Variants in LAPTM4B observed in about 807,000 individuals in gnomAD.
LAPTM4B encodes the protein lysosomal-associated transmembrane protein 4B.
In LAPTM4B, 26 loss-of-function variants were observed where a neutral mutation model predicts 28.5. The ratio of observed to expected loss-of-function variants is 0.91; its 90% CI spans 0.67 to 1.27. The LOEUF is 1.27. Ranked by LOEUF, LAPTM4B falls within the 50% of genes most tolerant of loss-of-function variation. The pLI is 0.00. For missense variants in LAPTM4B, 288 were observed against 285.8 expected, an observed-to-expected ratio of 1.01 and a Z score of -0.06; for synonymous variants, 109 against 106.4, an observed-to-expected ratio of 1.02 and a Z score of -0.15.
In LAPTM4B at chr8:97,805,341, T is replaced by C; in HGVS notation, c.100-12T>C. ...CTTAAATTCTTTTTTTTTTTTTTTT[T>C]TCTTGTTGCAGATCATCAATGCTGT... On this transcript the variant is annotated splice_polypyrimidine_tract_variant and intron_variant, in intron 1 of 6. Transcript: ENST00000521545. The C allele has an allele frequency of 7.4e-7, 1 of 1,348,536 alleles. No individual in the cohort carries two copies. The highest frequency in any genetic ancestry group is 1.3e-5 in the South Asian group (1 of 79,522). 83.5% of individuals were successfully genotyped at this position (1,348,536 alleles called of 1,614,324 possible). A position where few individuals can be genotyped will look rare whatever the true frequency, so the allele number is the denominator to read the frequency against.
chr8:97,788,838 G>A (rs1816450543), intron 1 of LAPTM4B, among the ~76,000 whole-genome samples: 1 of 151,468 alleles, frequency 6.6e-6, no homozygotes, highest in Non-Finnish European at 1.5e-5. Flanking sequence ...GAGACTACGG[G>A]TGTCTGTCAC....
intron 5 of LAPTM4B, among the ~76,000 whole-genome samples, chr8:97,822,542 T>TTATG (rs1817022395): frequency 6.7e-6 from 1 of 148,434 alleles, no homozygotes; most frequent in Admixed American, 6.7e-5. Flanking sequence ...ATTTATTTAT[T>TTATG]TATTTATTTA....
intron 2 of LAPTM4B, among the ~76,000 whole-genome samples, chr8:97,811,122 A>G (rs1440400256): frequency 6.6e-6 from 1 of 152,208 alleles, no homozygotes; most frequent in African/African-American, 2.4e-5. Context: ...ACCTATTGGT[A>G]TCGATGCCAA....
intron 1 of LAPTM4B, among the ~76,000 whole-genome samples, chr8:97,780,379 C>T (rs1316318301): frequency 3.3e-5 from 5 of 152,026 alleles, no homozygotes; most frequent in African/African-American, 9.7e-5. Context: ...GAGCTGAGAT[C>T]GTGCGATTGC....
intron 6 of LAPTM4B, among the ~76,000 whole-genome samples, chr8:97,827,472 C>G (rs528706851): frequency 6.6e-6 from 1 of 152,300 alleles, no homozygotes; most frequent in Admixed American, 6.5e-5. Context: ...ATCTGTATCC[C>G]TTGTATCCTT....
intron 6 of LAPTM4B, among the ~76,000 whole-genome samples, chr8:97,829,696 C>CTTTT (rs926939613): frequency 6.1e-4 from 90 of 147,352 alleles, no homozygotes; most frequent in African/African-American, 1.9e-3. Context: ...TTTCTTTCTT[C>CTTTT]TTTTTTTTTT....
At position 97,775,986 on chromosome 8, in the gene LAPTM4B, G is replaced by A. The variant is rs758791559; in HGVS notation, c.-24G>A. The A allele has an allele frequency of 3.8e-6, 6 of 1,561,244 alleles. No individual in the cohort carries two copies. In the Admixed American group the frequency reaches 5.6e-5, roughly 15 times the overall value. ...GACGCTCCTGAAAACTTGCGCGCGC[G>A]CTCGCGCCACTGCGCCCGGAGCGAT... On this transcript the variant is annotated 5_prime_UTR_variant, in exon 1 of 7. Transcript: ENST00000521545.
intron 2 of LAPTM4B, among the ~76,000 whole-genome samples, chr8:97,812,217 G>GTTTTTTTTTTTTTTTTT (rs71271157): frequency 1.1e-5 from 1 of 93,314 alleles, no homozygotes. Flanking sequence ...TTTTTTTTTT[G>GTTTTTTTTTTTTTTTTT]TTGTTTTTTG....
intron 6 of LAPTM4B, among the ~76,000 whole-genome samples, chr8:97,845,398 A>G (rs902255152): frequency 6.6e-5 from 10 of 151,842 alleles, no homozygotes; most frequent in African/African-American, 2.2e-4. Flanking sequence ...GTGGCTATCA[A>G]ACCTGTCAGT....
At position 97,775,819 on chromosome 8, in the gene LAPTM4B, C is replaced by A; in HGVS notation, c.-191C>A. ...GCCGCTGCAGCGGTCGCCTTCGGAG[C>A]GAAGGGTACCGACCCGGCAGAAGCT... On this transcript the variant is annotated 5_prime_UTR_variant, in exon 1 of 7. Coordinates refer to ENST00000521545, the MANE Select transcript of LAPTM4B (RefSeq NM_018407.6). 2 of 1,560,124 alleles carry A rather than the reference C, an allele frequency of 1.3e-6. No homozygotes were observed. Among genetic ancestry groups the A allele is most frequent in the Non-Finnish European group, 1.7e-6 (2 of 1,159,522 alleles).
Position 97,776,076 on chromosome 8 carries a change from A to C in LAPTM4B, c.67A>C (p.Thr23Pro). 6.3e-7 allele frequency: 1 copy of C among 1,588,634 alleles called. No homozygotes were observed. Among genetic ancestry groups the C allele is most frequent in the Non-Finnish European group, 8.5e-7 (1 of 1,172,350 alleles). ...NSCCLCCHVR[T>P]GTILLGVWYL... The stretch of plus-strand genomic sequence containing the variant: ...CTGCTGCTTGTGCTGCCATGTCCGC[A>C]CCGGCACCATCCTGCTCGGCGTCTG... Residue 23 changes from threonine (T) to proline (P), a missense_variant, in exon 1 of 7, where the codon ACC (threonine) becomes CCC (proline). Coordinates refer to ENST00000521545, the MANE Select transcript of LAPTM4B (RefSeq NM_018407.6).
chr8:97,800,707 G>A (rs1051297930), intron 1 of LAPTM4B, among the ~76,000 whole-genome samples: 1 of 151,774 alleles, frequency 6.6e-6, no homozygotes, highest in Non-Finnish European at 1.5e-5. Context: ...TGTTGGTCAG[G>A]CTCATCTTAA....
At position 97,775,935 on chromosome 8, in the gene LAPTM4B, C is replaced by CGAG; in HGVS notation, c.-74_-73insAGG. On this transcript the variant is annotated 5_prime_UTR_variant, in exon 1 of 7. Transcript: ENST00000521545. ...GCGGCGGAGGAGCCGGCAGCAGCGG[C>CGAG]GCGGCGGGCTCCAGGCGAGGCGGTC... 6.8e-7 allele frequency: 1 copy of CGAG among 1,467,292 alleles called. No individual in the cohort carries two copies. Among genetic ancestry groups the CGAG allele is most frequent in the South Asian group, 1.4e-5 (1 of 73,300 alleles). 90.9% of individuals were successfully genotyped at this position (1,467,292 alleles called of 1,614,324 possible).
chr8:97,819,662 T>C (rs1816972234), intron 5 of LAPTM4B, among the ~76,000 whole-genome samples: 2 of 151,748 alleles, frequency 1.3e-5, no homozygotes, highest in Admixed American at 1.3e-4. Flanking sequence ...TTTCACTTAA[T>C]AGGGCTGTAG....
chr8:97,845,423 T>C (rs1159414536), intron 6 of LAPTM4B, among the ~76,000 whole-genome samples: 3 of 151,934 alleles, frequency 2.0e-5, no homozygotes, highest in Admixed American at 1.3e-4. Flanking sequence ...TAATATTAAC[T>C]ATTAATAATG....
intron 1 of LAPTM4B, among the ~76,000 whole-genome samples, chr8:97,791,557 T>C (rs2129741812): frequency 6.6e-6 from 1 of 152,292 alleles, no homozygotes; most frequent in South Asian, 2.1e-4. Context: ...GCAGATCGTT[T>C]TGCACGCTAG....
intron 6 of LAPTM4B, among the ~76,000 whole-genome samples, chr8:97,834,656 T>G (rs1817234647): frequency 6.6e-6 from 1 of 152,116 alleles, no homozygotes; most frequent in Non-Finnish European, 1.5e-5. Context: ...GGCCTCAAAC[T>G]TAAGCAATCC....
chr8:97,809,385 G>A (rs1816795987), intron 2 of LAPTM4B, among the ~76,000 whole-genome samples: 1 of 152,120 alleles, frequency 6.6e-6, no homozygotes, highest in Non-Finnish European at 1.5e-5. Context: ...AGTATAATGG[G>A]GTTATTCAGA....
At chr8:97,843,188 A>G (rs1460572016) in intron 6 of LAPTM4B, among the ~76,000 whole-genome samples, 1 of 152,174 alleles carries the variant, frequency 6.6e-6, no homozygotes, top group Non-Finnish European at 1.5e-5. Context: ...CCCTTACGTA[A>G]TATCTGAATT....
Sources: allele counts gnomAD v4.1 joint callset (sites outside exome capture counted in the v4.1 genomes callset), GRCh38; gene constraint gnomAD v4.1.1; transcripts MANE v1.5; gene names NCBI Gene and HGNC (gene_info 2026-07-23, HGNC 2026-07-21).